Variants in BCL11A observed in about 807,000 individuals in gnomAD.
BCL11A encodes BCL11 transcription factor A, also known as B cell CLL/lymphoma 11A.
In BCL11A, 2 loss-of-function variants were observed where a neutral mutation model predicts 55.9. That is an observed-to-expected ratio of 0.04 (90% CI 0.01 to 0.11). The LOEUF is 0.11. Ranked by LOEUF, BCL11A falls within the 10% of genes least tolerant of loss-of-function variation. The probability of loss-of-function intolerance (pLI) is 1.00; values close to 1 mark genes in which losing one functional copy is unlikely to be tolerated. For missense variants in BCL11A, 817 were observed against 1,137.1 expected (o/e 0.72, Z 4.05); for synonymous variants, 465 against 473.4 (o/e 0.98, Z 0.23).
chr2:60,502,006 C>A (rs1414902122), intron 2 of BCL11A, among the ~76,000 whole-genome samples: 1 of 152,070 alleles, frequency 6.6e-6, no homozygotes, highest in East Asian at 1.9e-4. Context: ...TTGTGTTGCA[C>A]TAGGTGAAAT....
At position 60,461,394 on chromosome 2, in the gene BCL11A, C is replaced by A; in HGVS notation, c.1518G>T (p.Thr506=). The A allele has an allele frequency of 6.2e-7, 1 of 1,605,650 alleles. No individual in the cohort carries two copies. ...AGCCGTAGTCCACCCTCTCGCTCTCCGTCAGCTCCTCCTCCTCCTCTTCCT... is the reference window on the plus strand; with the variant it reads ...AGCCGTAGTCCACCCTCTCGCTCTCAGTCAGCTCCTCCTCCTCCTCTTCCT... ...EEEEEEEEEL[T]ESERVDYGFG... Residue 506 remains threonine (T), a synonymous_variant, in exon 4 of 4, where the codon ACG becomes ACT. Transcript: ENST00000642384.
chr2:60,541,911 CCAGTT>C, intron 2 of BCL11A: 2 of 710,128 alleles, frequency 2.8e-6, no homozygotes, highest in Non-Finnish European at 5.2e-6. Context: ...AATACATCCT[CCAGTT>C]CAGTCTGAGC....
chr2:60,545,868 A>G, intron 2 of BCL11A, 103 bp downstream of exon 2: 2 of 892,922 alleles, frequency 2.2e-6, no homozygotes, highest in Non-Finnish European at 1.8e-6. Context: ...AGTCACATAG[A>G]GTAATAGAGA....
chr2:60,514,667 C>T (rs1205523415), intron 2 of BCL11A, among the ~76,000 whole-genome samples: 3 of 113,352 alleles, frequency 2.6e-5, no homozygotes, highest in African/African-American at 9.9e-5. Context: ...GACTCCATCT[C>T]AAAAAAAAAA....
chr2:60,476,811 C>T (rs1175550959), intron 2 of BCL11A, among the ~76,000 whole-genome samples: 1 of 152,132 alleles, frequency 6.6e-6, no homozygotes, highest in African/African-American at 2.4e-5. Flanking sequence ...TTTAAAGAAA[C>T]CCTGTGGTGA....
chr2:60,473,465 C>T (rs1209175911), intron 2 of BCL11A, among the ~76,000 whole-genome samples: 3 of 152,068 alleles, frequency 2.0e-5, no homozygotes, highest in Non-Finnish European at 4.4e-5. Context: ...TCAGCTCTTC[C>T]ATGTACCACC....
In BCL11A at chr2:60,506,727, G is replaced by A. The variant is rs1444610331; in HGVS notation, c.386-37894C>T. 7.2e-5 allele frequency among the ~76,000 whole-genome samples: 11 copies of A among 152,324 alleles called. No homozygotes were observed. In the East Asian group the frequency reaches 1.9e-3, roughly 27 times the overall value. ...GCCCCCCGCATGTTTCCTCCTAAAC[G>A]CCTGATATATATCCATTTTTCTGTC... On this transcript the variant is annotated intron_variant, in intron 2 of 3. Coordinates refer to ENST00000642384, the MANE Select transcript of BCL11A (RefSeq NM_022893.4).
chr2:60,521,332 G>C (rs903153566), intron 2 of BCL11A, among the ~76,000 whole-genome samples: 2 of 152,186 alleles, frequency 1.3e-5, no homozygotes, highest in South Asian at 2.1e-4. Context: ...GAGAGAGAGC[G>C]GACATTTTGT....
intron 2 of BCL11A, among the ~76,000 whole-genome samples, chr2:60,483,288 C>T (rs1678065579): frequency 1.3e-5 from 2 of 152,142 alleles, no homozygotes; most frequent in South Asian, 4.1e-4. Context: ...AAGGGGAAGA[C>T]CAGGAAAAGA....
At chr2:60,473,159 TGTGA>T (rs1359219493) in intron 2 of BCL11A, among the ~76,000 whole-genome samples, 9 of 152,252 alleles carry the variant, frequency 5.9e-5, no homozygotes, top group South Asian at 2.1e-4. Flanking sequence ...TGTGTGTATA[TGTGA>T]GTGTGTGCAT....
At chr2:60,549,264 G>GA (rs894268428) in intron 1 of BCL11A, among the ~76,000 whole-genome samples, 180 of 152,140 alleles carry the variant, frequency 1.2e-3, no homozygotes, top group African/African-American at 4.1e-3. Context: ...AAATTTAAGG[G>GA]AAAAAAATAA....
intron 3 of BCL11A, among the ~76,000 whole-genome samples, chr2:60,468,100 G>GGTGGTA (rs1676983689): frequency 7.5e-6 from 1 of 134,096 alleles, no homozygotes; most frequent in Non-Finnish European, 1.6e-5. Flanking sequence ...TGGTGGTGGT[G>GGTGGTA]GTGATGGTGG....
At position 60,462,208 on chromosome 2, in the gene BCL11A, T is replaced by C; in HGVS notation, c.704A>G (p.Asn235Ser). ...TATTCTTAGCAGGTTAAAGGGGTTA[T>C]TGTCTGCAATATGAATCCCATGGAG... ...PPLHGIHIADNNPFNLLRIPG... is the reference protein window; with the variant it reads ...PPLHGIHIADSNPFNLLRIPG... The change falls in exon 4 of 4, where the codon AAT becomes AGT. Residue 235 changes from asparagine to serine, a missense_variant. This residue lies in a region of BCL11A where 363 missense variants were observed against 486.6 expected (regional missense o/e 0.75). Coordinates refer to ENST00000642384, the MANE Select transcript of BCL11A (RefSeq NM_022893.4). 6.2e-7 allele frequency: 1 copy of C among 1,611,134 alleles called. No homozygotes were observed.
At chr2:60,499,840 T>A (rs1156317813) in intron 2 of BCL11A, 2 of 152,416 alleles carry the variant, frequency 1.3e-5, no homozygotes, top group African/African-American at 4.8e-5. Context: ...CTTCTCTTCC[T>A]CCTAATCCAT....
At chr2:60,467,434 A>G (rs1281728315) in intron 3 of BCL11A, among the ~76,000 whole-genome samples, 6 of 2,234 alleles carry the variant, frequency 2.7e-3, no homozygotes, top group African/African-American at 6.9e-3. Context: ...TGGTGGTGGT[A>G]GTGATGGTGG....
chr2:60,520,454 T>G (rs1053463672), intron 2 of BCL11A, among the ~76,000 whole-genome samples: 1 of 152,234 alleles, frequency 6.6e-6, no homozygotes, highest in Admixed American at 6.5e-5. Context: ...CACCAAATTT[T>G]TTAAAATCTA....
intron 2 of BCL11A, among the ~76,000 whole-genome samples, chr2:60,490,406 A>C (rs1366616885): frequency 1.3e-5 from 2 of 152,172 alleles, no homozygotes; most frequent in African/African-American, 4.8e-5. Context: ...CCAATTTTCT[A>C]TTCCAGTCTT....
chr2:60,478,072 C>A (rs1467509115), intron 2 of BCL11A: 1 of 152,424 alleles, frequency 6.6e-6, no homozygotes, highest in African/African-American at 2.4e-5. Context: ...AAGCAGTCCT[C>A]CTGCCTCAGC....
intron 3 of BCL11A, among the ~76,000 whole-genome samples, chr2:60,467,753 G>A (rs1427642382): frequency 1.1e-5 from 1 of 89,426 alleles, no homozygotes; most frequent in Non-Finnish European, 2.4e-5. Context: ...AGTGATGGTG[G>A]TGGTAATGGT....
Sources: allele counts gnomAD v4.1 joint callset (sites outside exome capture counted in the v4.1 genomes callset), GRCh38; gene constraint gnomAD v4.1.1; regional missense constraint gnomAD v4.1.1; transcripts MANE v1.5; gene names NCBI Gene and HGNC (gene_info 2026-07-23, HGNC 2026-07-21).